ASB18: variants seen among roughly 807,000 people sequenced by gnomAD.
ASB18 encodes ankyrin repeat and SOCS box protein 18.
In ASB18, 33 loss-of-function variants were observed where a neutral mutation model predicts 33.4. That is an observed-to-expected ratio of 0.99 (90% CI 0.75 to 1.32). The LOEUF is 1.32. Ranked by LOEUF, ASB18 falls within the 40% of genes most tolerant of loss-of-function variation. The pLI is 0.00. For synonymous variants in ASB18, 295 were observed against 307.6 expected (o/e 0.96, Z 0.43); for missense variants, 694 against 655.5 (o/e 1.06, Z -0.64).
chr2:236,240,997 C>G (rs529978999), intron 2 of ASB18, among the ~76,000 whole-genome samples: 38 of 152,314 alleles, frequency 2.5e-4, no homozygotes, highest in Non-Finnish European at 3.5e-4. Flanking sequence ...GCACGGGCAG[C>G]TCCACACCTA....
rs554537709 is a variant in ASB18, at chr2:236,195,966, C to T, written c.1215+306G>A. 5.2e-5 allele frequency: 21 copies of T among 406,686 alleles called. No homozygotes were observed. The highest frequency in any genetic ancestry group is 2.6e-4 in the South Asian group (12 of 46,172). The allele number at this position is 406,686 out of a possible 1,614,324, so 25.2% of individuals were successfully genotyped here. ...GTATGTCCTGACGTGGAGCTAGGCC[C>T]GTGGATTCAGGCGGCTCTGGCCTTT... On this transcript the variant is annotated intron_variant, in intron 5 of 5. Transcript: ENST00000409749. The surrounding 1 kb of genome is among the most constrained non-coding windows in gnomAD (Gnocchi z 5.5).
In ASB18 at chr2:236,223,151, C is replaced by G. The variant is rs1211524408; in HGVS notation, c.597-8285G>C. Among the ~76,000 whole-genome samples, 1 of 152,202 alleles carries G rather than the reference C, an allele frequency of 6.6e-6. No individual in the cohort carries two copies. The highest frequency in any genetic ancestry group is 1.5e-5 in the Non-Finnish European group (1 of 68,034). On this transcript the variant is annotated intron_variant, in intron 3 of 5. Transcript: ENST00000409749. The surrounding 1 kb of genome is among the most constrained non-coding windows in gnomAD (Gnocchi z 4.6). ...CCCAGAAGCAGATCCCAGCATTATG[C>G]TTCCTGTACAGCCTGCAGAACTGTG...
At chr2:236,230,237 C>T (rs993752741) in intron 3 of ASB18, among the ~76,000 whole-genome samples, 1 of 151,694 alleles carries the variant, frequency 6.6e-6, no homozygotes, top group Admixed American at 6.6e-5. Flanking sequence ...ACTGTCAGCT[C>T]ATAATGCTCT....
rs947120977 is a variant in ASB18 at position 236,226,640 on chromosome 2, T to G, written c.596+11049A>C. On this transcript the variant is annotated intron_variant, in intron 3 of 5. Coordinates refer to ENST00000409749, the MANE Select transcript of ASB18 (RefSeq NM_212556.4). The surrounding 1 kb of genome is among the most constrained non-coding windows in gnomAD (Gnocchi z 4.8). Reference sequence around the variant, plus strand: ...TGGTCTGCATATGGCCTCAGCTCCTTATGGTGTCCAAATGTAAGCTTGTTG... The same window carrying G: ...TGGTCTGCATATGGCCTCAGCTCCTGATGGTGTCCAAATGTAAGCTTGTTG... Among the ~76,000 whole-genome samples, 2 of 152,208 alleles carry G rather than the reference T, an allele frequency of 1.3e-5. No homozygotes were observed. The highest frequency in any genetic ancestry group is 1.3e-4 in the Admixed American group (2 of 15,286).
rs2060480721 is a variant in ASB18 at position 236,214,928 on chromosome 2, C to T, written c.597-62G>A. ...CAGGACGCCCGCACCCTTCCACCCC[C>T]GGCCTGCTGCTGCAAAATATCAAGT... On this transcript the variant is annotated intron_variant, in intron 3 of 5. Transcript: ENST00000409749. This position sits in a 1 kb window ranked among gnomAD's most constrained non-coding sequence, Gnocchi z 6.5. 1.7e-6 allele frequency: 2 copies of T among 1,181,106 alleles called. No individual in the cohort carries two copies. Among genetic ancestry groups the T allele is most frequent in the Non-Finnish European group, 2.1e-6 (2 of 952,368 alleles). The allele number at this position is 1,181,106 out of a possible 1,614,324, so 73.2% of individuals were successfully genotyped here.
At position 236,231,825 on chromosome 2, in the gene ASB18, A is replaced by G. The variant is rs933539322; in HGVS notation, c.596+5864T>C. Among the ~76,000 whole-genome samples the G allele has an allele frequency of 3.3e-5, 5 of 152,248 alleles. No individual in the cohort carries two copies. Among genetic ancestry groups the G allele is most frequent in the Non-Finnish European group, 7.3e-5 (5 of 68,040 alleles). ...AAGGACAGAATAATGCTAAGCATTT[A>G]TGTACCTAATAATAGAGCTTCAAAT... On this transcript the variant is annotated intron_variant, in intron 3 of 5. Coordinates refer to ENST00000409749, the MANE Select transcript of ASB18 (RefSeq NM_212556.4). This position sits in a 1 kb window ranked among gnomAD's most constrained non-coding sequence, Gnocchi z 5.5.
At position 236,244,389 on chromosome 2, in the gene ASB18, C is replaced by T. The variant is rs753158613; in HGVS notation, c.206-2987G>A. Among the ~76,000 whole-genome samples the T allele has an allele frequency of 6.6e-6, 1 of 152,228 alleles. No individual in the cohort carries two copies. Among genetic ancestry groups the T allele is most frequent in the Non-Finnish European group, 1.5e-5 (1 of 68,052 alleles). On this transcript the variant is annotated intron_variant, in intron 1 of 5. Coordinates refer to ENST00000409749, the MANE Select transcript of ASB18 (RefSeq NM_212556.4). The surrounding 1 kb of genome is among the most constrained non-coding windows in gnomAD (Gnocchi z 6.1). ...CATAGCATAAGCCCCCATTTGCTCA[C>T]AGCCAGTGTTAGACCTGGGGACCCA...
chr2:236,235,358 C>A lies in ASB18; in HGVS notation c.596+2331G>T, dbSNP rs942082299. ...GGAGCCAGAGGCTTAATCATATAGC[C>A]TAGGTGGGCAGTAGGCTATGCCATC... On this transcript the variant is annotated intron_variant, in intron 3 of 5. Coordinates refer to ENST00000409749, the MANE Select transcript of ASB18 (RefSeq NM_212556.4). This position sits in a 1 kb window ranked among gnomAD's most constrained non-coding sequence, Gnocchi z 6.2. Among the ~76,000 whole-genome samples the A allele has an allele frequency of 3.3e-5, 5 of 152,192 alleles. No individual in the cohort carries two copies. The highest frequency in any genetic ancestry group is 1.2e-4 in the African/African-American group (5 of 41,452).
At chr2:236,242,955 A>C (rs1576408970) in intron 1 of ASB18, among the ~76,000 whole-genome samples, 1 of 149,300 alleles carries the variant, frequency 6.7e-6, no homozygotes, top group East Asian at 2.0e-4. Flanking sequence ...TGGGAGGTCA[A>C]GACTATAAGG....
At position 236,200,372 on chromosome 2, in the gene ASB18, G is replaced by A. The variant is rs991575163; in HGVS notation, c.1102-3987C>T. On this transcript the variant is annotated intron_variant, in intron 4 of 5. Transcript: ENST00000409749. The surrounding 1 kb of genome is among the most constrained non-coding windows in gnomAD (Gnocchi z 4.2). The stretch of plus-strand genomic sequence containing the variant: ...TAAAAAAAAAAGAGATGGCGAGTTC[G>A]ATATGGGATCATTCCAGAAGTGTTT... Among the ~76,000 whole-genome samples, 3 of 152,136 alleles carry A rather than the reference G, an allele frequency of 2.0e-5. No individual in the cohort carries two copies. Among genetic ancestry groups the A allele is most frequent in the Non-Finnish European group, 2.9e-5 (2 of 68,024 alleles).
chr2:236,219,228 A>T lies in ASB18; in HGVS notation c.597-4362T>A, dbSNP rs1213449228. 1.3e-5 allele frequency among the ~76,000 whole-genome samples: 2 copies of T among 152,150 alleles called. No individual in the cohort carries two copies. The highest frequency in any genetic ancestry group is 2.9e-5 in the Non-Finnish European group (2 of 68,036). On this transcript the variant is annotated intron_variant, in intron 3 of 5. Transcript: ENST00000409749. This position sits in a 1 kb window ranked among gnomAD's most constrained non-coding sequence, Gnocchi z 6.4. ...GTGTGTTTATCTCTGGATGATGGGC[A>T]TAGTGGGAGCTTGTTTCCTTTTTGC...
chr2:236,253,982 C>G lies in ASB18; in HGVS notation c.205+10159G>C, dbSNP rs766901909. On this transcript the variant is annotated intron_variant, in intron 1 of 5. Transcript: ENST00000409749. This position sits in a 1 kb window ranked among gnomAD's most constrained non-coding sequence, Gnocchi z 5.4. ...GGGTACATCTTTAGGCCTTTGGATGCCTGTTATAAAATTTAAACTGTGTTT... is the reference window on the plus strand; with the variant it reads ...GGGTACATCTTTAGGCCTTTGGATGGCTGTTATAAAATTTAAACTGTGTTT... 1.3e-5 allele frequency: 2 copies of G among 151,996 alleles called. No homozygotes were observed. The highest frequency in any genetic ancestry group is 2.4e-5 in the African/African-American group (1 of 41,382). The allele number at this position is 151,996 out of a possible 1,614,324, so 9.4% of individuals were successfully genotyped here.
chr2:236,196,716 A>AGCT lies in ASB18; in HGVS notation c.1102-334_1102-332dup, dbSNP rs1223236811. On this transcript the variant is annotated intron_variant, in intron 4 of 5. Transcript: ENST00000409749. This position sits in a 1 kb window ranked among gnomAD's most constrained non-coding sequence, Gnocchi z 5.6. ...TGGCAGGCCTCCTTGGCCCCCAGAG[A>AGCT]GCTGCTCAGAGAAAAGGAATGAAGT... is the stretch of plus-strand genomic sequence containing the variant. 1.5e-4 allele frequency among the ~76,000 whole-genome samples: 23 copies of AGCT among 152,184 alleles called. No individual in the cohort carries two copies. The highest frequency in any genetic ancestry group is 5.5e-4 in the African/African-American group (23 of 41,452).
chr2:236,222,111 C>T lies in ASB18; in HGVS notation c.597-7245G>A, dbSNP rs2060515513. 6.6e-6 allele frequency among the ~76,000 whole-genome samples: 1 copy of T among 152,196 alleles called. No homozygotes were observed. Among genetic ancestry groups the T allele is most frequent in the Non-Finnish European group, 1.5e-5 (1 of 68,034 alleles). On this transcript the variant is annotated intron_variant, in intron 3 of 5. Transcript: ENST00000409749. This position sits in a 1 kb window ranked among gnomAD's most constrained non-coding sequence, Gnocchi z 5.5. Reference sequence around the variant, plus strand: ...ACTCCGATGAAGGACGGGGAAGCCACAGCTCCACGACTTTGATGGAGGAGC... The same window carrying T: ...ACTCCGATGAAGGACGGGGAAGCCATAGCTCCACGACTTTGATGGAGGAGC...
At chr2:236,202,814 T>TATATATATATATATACACACACAC (rs1472095135) in intron 4 of ASB18, among the ~76,000 whole-genome samples, 5 of 126,576 alleles carry the variant, frequency 4.0e-5, no homozygotes, top group Non-Finnish European at 6.5e-5. Context: ...TATATATATA[T>TATATATATATATATACACACACAC]ACACACACCT....
chr2:236,196,674 G>C lies in ASB18; in HGVS notation c.1102-289C>G, dbSNP rs1404699582. Among the ~76,000 whole-genome samples, 1 of 152,206 alleles carries C rather than the reference G, an allele frequency of 6.6e-6. No homozygotes were observed. ...TGCTTAAGCATTCAGGTTCCCAGGG[G>C]GGCTATGCTGGTGGCTTGGCAGGCC... On this transcript the variant is annotated intron_variant, in intron 4 of 5. Transcript: ENST00000409749. The surrounding 1 kb of genome is among the most constrained non-coding windows in gnomAD (Gnocchi z 5.6).
chr2:236,236,719 G>C (rs1284692513), intron 3 of ASB18, among the ~76,000 whole-genome samples: 1 of 152,122 alleles, frequency 6.6e-6, no homozygotes, highest in Non-Finnish European at 1.5e-5. Flanking sequence ...TGCTGCCCCT[G>C]CTGGGCAGGA....
chr2:236,240,065 G>A (rs2060614766), intron 2 of ASB18, among the ~76,000 whole-genome samples: 1 of 152,262 alleles, frequency 6.6e-6, no homozygotes, highest in Admixed American at 6.5e-5. Context: ...GAAGATTCGG[G>A]AGGGAAGGAG....
chr2:236,245,674 G>T lies in ASB18; in HGVS notation c.206-4272C>A, dbSNP rs190529540. Among the ~76,000 whole-genome samples, 70 of 152,202 alleles carry T rather than the reference G, an allele frequency of 4.6e-4. No homozygotes were observed. Among genetic ancestry groups the T allele is most frequent in the Non-Finnish European group, 8.1e-4 (55 of 68,024 alleles). ...TTGCACTCTGACTGTGGCACTGGGC[G>T]CTCTACTATTACTGCTGGTTCCTTG... On this transcript the variant is annotated intron_variant, in intron 1 of 5. Transcript: ENST00000409749. This position sits in a 1 kb window ranked among gnomAD's most constrained non-coding sequence, Gnocchi z 4.7.
Sources: allele counts gnomAD v4.1 joint callset (sites outside exome capture counted in the v4.1 genomes callset), GRCh38; gene constraint gnomAD v4.1.1; non-coding constraint Gnocchi (gnomAD v3.1); transcripts MANE v1.5; gene names NCBI Gene and HGNC (gene_info 2026-07-23, HGNC 2026-07-21).